The following GALNT13 variants were observed in gnomAD, a reference collection of about 807,000 sequenced individuals.
GALNT13 encodes the protein UDP-GalNAc:polypeptide N-acetylgalactosaminyltransferase 13.
GALNT13 carries 28 observed loss-of-function variants against 64.2 expected under a neutral mutation model. That is an observed-to-expected ratio of 0.44 (90% CI 0.32 to 0.60). The LOEUF is 0.60. Among genes scored for constraint, GALNT13 ranks in the 20% least tolerant of loss-of-function variants. The pLI is 0.05. For missense variants in GALNT13, 577 were observed against 669.8 expected (o/e 0.86, Z 1.53); for synonymous variants, 214 against 224.6 (o/e 0.95, Z 0.42).
the GALNT13 span, among the ~76,000 whole-genome samples, chr2:153,390,100 G>A: frequency 6.6e-6 from 1 of 151,994 alleles, no homozygotes; most frequent in African/African-American, 2.4e-5. Context: ...AGAAAATGTG[G>A]CACATATACA....
At chr2:153,073,814 C>T in the GALNT13 span, among the ~76,000 whole-genome samples, 7 of 152,134 alleles carry the variant, frequency 4.6e-5, no homozygotes, top group Non-Finnish European at 8.8e-5. Context: ...GTGTAATTGT[C>T]TGACATGTTG....
At chr2:153,934,217 A>G (rs1374475691) in intron 2 of GALNT13, among the ~76,000 whole-genome samples, 1 of 152,184 alleles carries the variant, frequency 6.6e-6, no homozygotes, top group East Asian at 1.9e-4. Flanking sequence ...TTAAGGTGGT[A>G]ATTTTATTCT....
the GALNT13 span, among the ~76,000 whole-genome samples, chr2:153,629,052 A>G: frequency 0.19 from 29,435 of 151,974 alleles, 3,031 homozygotes; most frequent in African/African-American, 0.25. Context: ...CAGAGATTCA[A>G]ATTCTTCCTG....
chr2:153,719,630 A>G, the GALNT13 span, among the ~76,000 whole-genome samples: 284 of 152,188 alleles, frequency 1.9e-3, 2 homozygotes, highest in Middle Eastern at 6.8e-3. Context: ...GAAGCAGGGC[A>G]AGGCATTGCC....
chr2:154,446,694 T>C (rs546475870), intron 12 of GALNT13: 1 of 1,547,794 alleles, frequency 6.5e-7, no homozygotes, highest in Non-Finnish European at 8.7e-7. Context: ...ACTAAGAAAC[T>C]ATACAAGAAT....
chr2:154,143,942 A>C (rs192497721), intron 4 of GALNT13, among the ~76,000 whole-genome samples: 33 of 151,788 alleles, frequency 2.2e-4, no homozygotes, highest in Non-Finnish European at 4.4e-5. Context: ...ATCCCTTGGC[A>C]TACTAAGTTT....
At chr2:153,580,740 AAG>A in the GALNT13 span, among the ~76,000 whole-genome samples, 1 of 152,212 alleles carries the variant, frequency 6.6e-6, no homozygotes, top group African/African-American at 2.4e-5. Flanking sequence ...ATTGCTTAAA[AAG>A]AAACAACTAT....
chr2:154,219,300 A>G (rs1176249081), intron 4 of GALNT13, among the ~76,000 whole-genome samples: 13 of 152,024 alleles, frequency 8.6e-5, no homozygotes, highest in Admixed American at 8.5e-4. Context: ...TTACATTTTA[A>G]AGGTAAGGAA....
the GALNT13 span, among the ~76,000 whole-genome samples, chr2:153,138,503 T>C: frequency 2.0e-5 from 3 of 152,020 alleles, no homozygotes; most frequent in Non-Finnish European, 4.4e-5. Flanking sequence ...TTACTTTTAT[T>C]CTCTTAAACA....
intron 3 of GALNT13, among the ~76,000 whole-genome samples, chr2:154,048,244 C>A (rs967240766): frequency 6.6e-6 from 1 of 152,116 alleles, no homozygotes; most frequent in Non-Finnish European, 1.5e-5. Flanking sequence ...AACATTGGAC[C>A]TCCATGATCC....
intron 4 of GALNT13, among the ~76,000 whole-genome samples, chr2:154,232,305 A>G (rs1201775182): frequency 6.6e-6 from 1 of 152,132 alleles, no homozygotes. Context: ...GATCCTGTCA[A>G]TGTTCTGCTC....
chr2:153,993,130 C>G (rs1325668090), intron 3 of GALNT13, among the ~76,000 whole-genome samples: 1 of 151,712 alleles, frequency 6.6e-6, no homozygotes, highest in Non-Finnish European at 1.5e-5. Flanking sequence ...ATATTTTTAC[C>G]AAGTATGTGA....
the GALNT13 span, among the ~76,000 whole-genome samples, chr2:153,339,097 T>C: frequency 6.6e-6 from 1 of 152,234 alleles, no homozygotes; most frequent in African/African-American, 2.4e-5. Flanking sequence ...AATGCAGATA[T>C]GTCTTGGACA....
At chr2:153,572,578 T>TA in the GALNT13 span, among the ~76,000 whole-genome samples, 7 of 151,950 alleles carry the variant, frequency 4.6e-5, no homozygotes, top group Non-Finnish European at 2.9e-5. Context: ...TAGGCACTTA[T>TA]AACTCTAAGC....
At chr2:154,061,163 T>G in intron 3 of GALNT13, among the ~76,000 whole-genome samples, 1 of 152,186 alleles carries the variant, frequency 6.6e-6, no homozygotes, top group East Asian at 1.9e-4. Flanking sequence ...AGCATTTTAC[T>G]CCATATACTT....
At position 153,880,061 on chromosome 2, in the gene GALNT13, G is replaced by A. The variant is rs563955141; in HGVS notation, c.-177+7758G>A. Among the ~76,000 whole-genome samples, 5 of 152,090 alleles carry A rather than the reference G, an allele frequency of 3.3e-5. No individual in the cohort carries two copies. In the South Asian group the frequency reaches 8.3e-4, roughly 25 times the overall value. On this transcript the variant is annotated intron_variant, in intron 1 of 12. Transcript: ENST00000392825. Reference sequence around the variant, plus strand: ...AAATAACCATATATACTTCAAATACGTAACTAAGATTTACATCTTTATACT... The same window carrying A: ...AAATAACCATATATACTTCAAATACATAACTAAGATTTACATCTTTATACT...
At chr2:153,423,242 C>T in the GALNT13 span, among the ~76,000 whole-genome samples, 1 of 151,610 alleles carries the variant, frequency 6.6e-6, no homozygotes, top group East Asian at 1.9e-4. Context: ...TAATTTATCA[C>T]TAAGAAATTA....
the GALNT13 span, among the ~76,000 whole-genome samples, chr2:153,720,139 G>A: frequency 4.8e-5 from 7 of 145,274 alleles, no homozygotes; most frequent in Non-Finnish European, 1.1e-4. Context: ...GCCTCCTCAA[G>A]TGGGTCCCTG....
chr2:154,167,824 C>G (rs1195461508), intron 4 of GALNT13, among the ~76,000 whole-genome samples: 3 of 152,142 alleles, frequency 2.0e-5, no homozygotes, highest in African/African-American at 7.2e-5. Context: ...CAGGTTGGTA[C>G]CAACAATCCT....
Sources: gnomAD v4.1 joint callset for allele counts (sites outside exome capture counted in the v4.1 genomes callset) on GRCh38, gnomAD v4.1.1 for gene constraint, MANE v1.5 for transcripts, NCBI Gene and HGNC (gene_info 2026-07-23, HGNC 2026-07-21) for gene names.